The following TMEM223 variants were observed in gnomAD, a reference collection of about 807,000 sequenced individuals.
TMEM223 encodes transmembrane protein 223.
A neutral mutation model predicts 14.1 loss-of-function variants in TMEM223; 14 were observed. That is an observed-to-expected ratio of 0.99 (90% confidence interval 0.66 to 1.55). The LOEUF is 1.55. Among genes scored for constraint, TMEM223 ranks in the 40% most tolerant of loss-of-function variants. The pLI is 0.00. For missense variants in TMEM223, 346 were observed against 269.9 expected (o/e 1.28, Z -1.97); for synonymous variants, 145 against 120.5 (o/e 1.20, Z -1.33).
At chr11:62,775,571 T>G (rs1386267107) in intron 1 of TMEM223, 2 of 549,996 alleles carry the variant, frequency 3.6e-6, no homozygotes, top group Admixed American at 3.5e-5. Flanking sequence ...CTTTGGACTT[T>G]GTCTAGCTTC....
At chr11:62,789,400 C>T, downstream of TMEM223, 1 of 1,613,908 alleles carries the variant, frequency 6.2e-7, no homozygotes, top group Non-Finnish European at 8.5e-7. Flanking sequence ...TCTGCAACTC[C>T]ATCATCTCCT....
rs2084342938 is a variant in TMEM223, at chr11:62,790,166, G to A, written c.*457C>T. On this transcript the variant is annotated 3_prime_UTR_variant, in exon 2 of 2. Coordinates refer to ENST00000307366, the MANE Select transcript of TMEM223 (RefSeq NM_001080501.3). ...TTTTCCTTTCGTTGGGGGGTGGGGG[G>A]GAAACATAATGACAGGCCCCCCTCC... is the stretch of plus-strand genomic sequence containing the variant. The A allele has an allele frequency of 1.7e-6, 2 of 1,178,306 alleles. No individual in the cohort carries two copies. Among genetic ancestry groups the A allele is most frequent in the Non-Finnish European group, 2.3e-6 (2 of 871,062 alleles). 73.0% of individuals were successfully genotyped at this position (1,178,306 alleles called of 1,614,324 possible).
intron 1 of TMEM223, chr11:62,778,412 CCGAGTCTG>C: frequency 6.5e-7 from 1 of 1,544,512 alleles, no homozygotes; most frequent in Non-Finnish European, 8.9e-7. Flanking sequence ...CTATGTGCCC[CCGAGTCTG>C]CGTCTAACAT....
chr11:62,789,347 G>A (rs1565193666), downstream of TMEM223: 1 of 1,613,896 alleles, frequency 6.2e-7, no homozygotes, highest in Non-Finnish European at 8.5e-7. Flanking sequence ...CGTCTTCCTG[G>A]TCTTGGTGTC....
At chr11:62,780,749 G>GCAAAACCC (rs2084222974) in intron 1 of TMEM223, among the ~76,000 whole-genome samples, 2 of 151,060 alleles carry the variant, frequency 1.3e-5, no homozygotes, top group African/African-American at 2.4e-5. Flanking sequence ...GGCCAACATG[G>GCAAAACCC]TGATTTCCCG....
intron 1 of TMEM223, among the ~76,000 whole-genome samples, chr11:62,779,780 C>T (rs1183658511): frequency 3.3e-5 from 5 of 151,256 alleles, no homozygotes; most frequent in Non-Finnish European, 7.4e-5. Flanking sequence ...ATTCTCCCAC[C>T]TCAGCTTCCC....
Sources: allele counts gnomAD v4.1 joint callset (sites outside exome capture counted in the v4.1 genomes callset), GRCh38; gene constraint gnomAD v4.1.1; transcripts MANE v1.5; gene names NCBI Gene and HGNC (gene_info 2026-07-23, HGNC 2026-07-21).